CNTNAP5: variants seen among roughly 807,000 people sequenced by gnomAD.
CNTNAP5 encodes the protein contactin associated protein family member 5, also known as contactin-associated protein-like 5.
CNTNAP5 carries 72 observed loss-of-function variants against 150.2 expected under a neutral mutation model. The observed-to-expected ratio is 0.48, with a 90% CI of 0.40 to 0.58. CNTNAP5 has a LOEUF of 0.58. CNTNAP5 is among the 20% of genes least tolerant of loss of function. The pLI, the probability that CNTNAP5 is intolerant of heterozygous loss-of-function variation, is 0.00. For missense variants in CNTNAP5, 1,636 were observed against 1,626.2 expected (o/e 1.01, Z -0.10); for synonymous variants, 672 against 619.8 (o/e 1.08, Z -1.25).
chr2:124,836,175 T>A (rs1435508761), intron 19 of CNTNAP5, among the ~76,000 whole-genome samples: 10 of 152,012 alleles, frequency 6.6e-5, no homozygotes, highest in Non-Finnish European at 1.2e-4. Flanking sequence ...GGAAAAAAAA[T>A]GGCTAAACAC....
intron 3 of CNTNAP5, among the ~76,000 whole-genome samples, chr2:124,264,074 C>A (rs1330965282): frequency 6.6e-6 from 1 of 151,950 alleles, no homozygotes; most frequent in Non-Finnish European, 1.5e-5. Context: ...TTATTAGCTA[C>A]TGGTTATTTT....
chr2:124,696,916 CT>C (rs1679417296), intron 13 of CNTNAP5, among the ~76,000 whole-genome samples: 1 of 152,042 alleles, frequency 6.6e-6, no homozygotes, highest in Non-Finnish European at 1.5e-5. Context: ...TTTTATTTCT[CT>C]TTTTAAATTC....
At chr2:124,637,718 G>T (rs1186052844) in intron 12 of CNTNAP5, among the ~76,000 whole-genome samples, 1 of 152,026 alleles carries the variant, frequency 6.6e-6, no homozygotes, top group Admixed American at 6.6e-5. Context: ...CATATTTATT[G>T]CTGCCATTCT....
chr2:124,068,554 G>A (rs554981842), intron 1 of CNTNAP5, among the ~76,000 whole-genome samples: 19 of 152,088 alleles, frequency 1.2e-4, no homozygotes, highest in African/African-American at 3.4e-4. Context: ...TCTTAGGCAC[G>A]TCCTGATGCT....
At chr2:124,083,094 C>A (rs576732360) in intron 1 of CNTNAP5, among the ~76,000 whole-genome samples, 161 of 152,208 alleles carry the variant, frequency 1.1e-3, no homozygotes, top group Non-Finnish European at 1.4e-3. Flanking sequence ...CTCATGCCTG[C>A]AATCCCAGCA....
At chr2:124,691,366 G>C (rs1035078738) in intron 13 of CNTNAP5, among the ~76,000 whole-genome samples, 5 of 152,040 alleles carry the variant, frequency 3.3e-5, no homozygotes, top group Admixed American at 1.3e-4. Flanking sequence ...TGGCTTTGGA[G>C]AAAAGGGATT....
At chr2:124,296,687 C>T (rs1300959994) in intron 3 of CNTNAP5, among the ~76,000 whole-genome samples, 3 of 152,084 alleles carry the variant, frequency 2.0e-5, no homozygotes, top group African/African-American at 7.2e-5. Context: ...CGGCATGTGG[C>T]CTCTCTTAGT....
intron 3 of CNTNAP5, among the ~76,000 whole-genome samples, chr2:124,351,314 G>A (rs924811331): frequency 3.3e-5 from 5 of 152,158 alleles, no homozygotes; most frequent in Admixed American, 1.3e-4. Flanking sequence ...GTTAAAGTAC[G>A]GAGAGAAGGC....
chr2:124,705,881 T>A (rs1679626431), intron 13 of CNTNAP5, among the ~76,000 whole-genome samples: 1 of 152,166 alleles, frequency 6.6e-6, no homozygotes, highest in Non-Finnish European at 1.5e-5. Flanking sequence ...CCTTGGTTCA[T>A]CATGCTTTAC....
intron 4 of CNTNAP5, among the ~76,000 whole-genome samples, chr2:124,427,428 C>G (rs1245944080): frequency 6.6e-6 from 1 of 151,866 alleles, no homozygotes; most frequent in East Asian, 1.9e-4. Flanking sequence ...CATTGAAACC[C>G]ATATTATTTT....
intron 3 of CNTNAP5, among the ~76,000 whole-genome samples, chr2:124,400,974 C>G (rs750989427): frequency 6.6e-6 from 1 of 151,978 alleles, no homozygotes; most frequent in Non-Finnish European, 1.5e-5. Context: ...CGGGTTCAAG[C>G]GATTCTCCTG....
At chr2:124,681,257 G>A (rs1319309066) in intron 13 of CNTNAP5, among the ~76,000 whole-genome samples, 5 of 143,824 alleles carry the variant, frequency 3.5e-5, no homozygotes, top group Admixed American at 2.2e-4. Flanking sequence ...AGCTGAGATC[G>A]AGCCACTGTA....
intron 1 of CNTNAP5, among the ~76,000 whole-genome samples, chr2:124,125,167 C>T (rs1683658686): frequency 6.6e-6 from 1 of 152,070 alleles, no homozygotes; most frequent in African/African-American, 2.4e-5. Context: ...TCAGGAGACC[C>T]CTCTCACATG....
At chr2:124,490,837 T>TA (rs1316400521) in intron 7 of CNTNAP5, among the ~76,000 whole-genome samples, 1 of 152,090 alleles carries the variant, frequency 6.6e-6, no homozygotes, top group East Asian at 1.9e-4. Flanking sequence ...AACCCTGTAT[T>TA]AAAATATAAA....
At chr2:124,848,020 G>A (rs552369198) in intron 19 of CNTNAP5, among the ~76,000 whole-genome samples, 129 of 152,144 alleles carry the variant, frequency 8.5e-4, no homozygotes, top group Non-Finnish European at 1.6e-3. Flanking sequence ...AATAAGGATT[G>A]AATACATTCA....
chr2:124,313,103 C>T (rs1028232869), intron 3 of CNTNAP5, among the ~76,000 whole-genome samples: 1 of 152,186 alleles, frequency 6.6e-6, no homozygotes, highest in Non-Finnish European at 1.5e-5. Context: ...AACAATGTAT[C>T]GAGAACATTT....
At chr2:124,287,472 T>A (rs1287860312) in intron 3 of CNTNAP5, among the ~76,000 whole-genome samples, 1 of 152,234 alleles carries the variant, frequency 6.6e-6, no homozygotes, top group Non-Finnish European at 1.5e-5. Flanking sequence ...TTTATACTGA[T>A]GATGACTGCC....
Position 124,515,238 on chromosome 2 carries a change from A to G in CNTNAP5, c.1328-9065A>G, listed in dbSNP as rs75897484. ...AGTTGGTCTGATGCTCAATCCATCA[A>G]TGAACCTTGGAGAGCGCAGAATGCT... On this transcript the variant is annotated intron_variant, in intron 8 of 23. Coordinates refer to ENST00000682447, the MANE Select transcript of CNTNAP5 (RefSeq NM_001367498.1). Among the ~76,000 whole-genome samples, 459 of 152,322 alleles carry G rather than the reference A, an allele frequency of 3.0e-3. 19 individuals are homozygous for G. The East Asian group carries it at 0.076, about 25-fold the overall frequency.
At chr2:124,575,089 AT>A (rs1239831871) in intron 11 of CNTNAP5, among the ~76,000 whole-genome samples, 1 of 152,094 alleles carries the variant, frequency 6.6e-6, no homozygotes, top group Non-Finnish European at 1.5e-5. Flanking sequence ...TGCAACCTTG[AT>A]GAGGGACGAG....
Sources: allele counts gnomAD v4.1 joint callset (sites outside exome capture counted in the v4.1 genomes callset), GRCh38; gene constraint gnomAD v4.1.1; transcripts MANE v1.5; gene names NCBI Gene and HGNC (gene_info 2026-07-23, HGNC 2026-07-21).